Variants in U2SURP observed in about 807,000 individuals in gnomAD.
The protein encoded by U2SURP is U2 snRNP-associated SURP motif-containing protein.
In U2SURP, 9 loss-of-function variants were observed where a neutral mutation model predicts 144.9. The ratio of observed to expected loss-of-function variants is 0.06; its 90% CI spans 0.04 to 0.11. The LOEUF (loss-of-function observed/expected upper bound fraction) is 0.11. U2SURP is among the 10% of genes least tolerant of loss of function. U2SURP has a pLI of 1.00. For synonymous variants in U2SURP, 408 were observed against 396.8 expected (o/e 1.03, Z -0.33); for missense variants, 724 against 1,226.7 (o/e 0.59, Z 6.12).
At chr3:143,017,651 C>G (rs986322925) in intron 6 of U2SURP, among the ~76,000 whole-genome samples, 2 of 151,384 alleles carry the variant, frequency 1.3e-5, no homozygotes, top group African/African-American at 4.9e-5. Context: ...TTGAGACAGT[C>G]TCTCTGTCAC....
intron 23 of U2SURP, 45 bp from the exon 24 acceptor site, chr3:143,043,072 T>A (rs947928601): frequency 1.3e-6 from 2 of 1,523,146 alleles, no homozygotes; most frequent in African/African-American, 2.8e-5. Flanking sequence ...AATATGGTAC[T>A]CTCTTGCTGC....
chr3:143,011,891 T>A (rs1276834748), intron 2 of U2SURP: 1 of 462,556 alleles, frequency 2.2e-6, no homozygotes, highest in Non-Finnish European at 4.2e-6. Flanking sequence ...ACACCAGTTT[T>A]ACTTGGGAGT....
At chr3:143,010,706 G>C (rs961102139) in intron 1 of U2SURP, 109 bp from the exon 2 acceptor site, 2 of 664,660 alleles carry the variant, frequency 3.0e-6, no homozygotes, top group Admixed American at 3.4e-5. Flanking sequence ...TATTAGCTGA[G>C]GAGAAATTGC....
At chr3:143,007,824 T>C (rs1390779907) in intron 1 of U2SURP, among the ~76,000 whole-genome samples, 1 of 152,212 alleles carries the variant, frequency 6.6e-6, no homozygotes, top group Non-Finnish European at 1.5e-5. Flanking sequence ...AAGAATACAG[T>C]TCAGTTCCAG....
intron 26 of U2SURP, 91 bp from the exon 27 acceptor site, chr3:143,054,852 C>G (rs766332962): frequency 1.3e-5 from 17 of 1,292,094 alleles, no homozygotes; most frequent in Non-Finnish European, 1.8e-5. Context: ...AAAGAGTAAG[C>G]TGGTAGCAAT....
intron 6 of U2SURP, among the ~76,000 whole-genome samples, chr3:143,019,206 T>G (rs775481799): frequency 6.6e-6 from 1 of 152,218 alleles, no homozygotes; most frequent in Non-Finnish European, 1.5e-5. Context: ...GCTATATGAT[T>G]TGGAAATGTT....
chr3:143,053,378 G>T (rs889284059), intron 25 of U2SURP, among the ~76,000 whole-genome samples: 1 of 152,086 alleles, frequency 6.6e-6, no homozygotes, highest in Non-Finnish European at 1.5e-5. Context: ...AATTTTCTTA[G>T]GGATGCTTTA....
rs777445272 is a variant in U2SURP at position 143,021,489 on chromosome 3, A to T, written c.786A>T (p.Ala262=). The change falls in exon 10 of 28, where the codon GCA becomes GCT. Residue 262 remains alanine (A), a synonymous_variant. Coordinates refer to ENST00000473835, the MANE Select transcript of U2SURP (RefSeq NM_001080415.2). ...CTGCCCTAGTTCTTGATGATTACGC[A>T]CCTGGCTCACATGATGTAGGAGATC... The part of the protein sequence containing the change: ...NRSSGVLDDY[A]PGSHDVGDPS... 2.5e-6 allele frequency: 4 copies of T among 1,613,712 alleles called. No individual in the cohort carries two copies. The highest frequency in any genetic ancestry group is 3.4e-6 in the Non-Finnish European group (4 of 1,179,872).
intron 16 of U2SURP, among the ~76,000 whole-genome samples, chr3:143,031,752 A>G (rs1226866764): frequency 1.3e-5 from 2 of 152,230 alleles, no homozygotes; most frequent in Admixed American, 1.3e-4. Context: ...TCTCTTTGAG[A>G]TATGCCTGTA....
chr3:143,042,599 C>G (rs932816359), intron 23 of U2SURP, among the ~76,000 whole-genome samples: 10 of 152,040 alleles, frequency 6.6e-5, no homozygotes, highest in African/African-American at 4.8e-5. Context: ...TCCCTCACCC[C>G]CCTCCCATCC....
At chr3:143,027,426 T>C (rs1444040321) in intron 14 of U2SURP, among the ~76,000 whole-genome samples, 173 bp downstream of exon 14, 3 of 152,194 alleles carry the variant, frequency 2.0e-5, no homozygotes, top group Non-Finnish European at 4.4e-5. Flanking sequence ...TTTACCTGTG[T>C]AGCAGTAACT....
rs1446439618 is a variant in U2SURP at position 143,055,108 on chromosome 3, A to G, written c.2940A>G (p.Lys980=). 1.3e-6 allele frequency: 2 copies of G among 1,592,658 alleles called. No individual in the cohort carries two copies. Among genetic ancestry groups the G allele is most frequent in the South Asian group, 2.3e-5 (2 of 85,830 alleles). Residue 980 remains lysine, a synonymous_variant, in exon 27 of 28, where the codon AAA becomes AAG. Coordinates refer to ENST00000473835, the MANE Select transcript of U2SURP (RefSeq NM_001080415.2). ...SHKDSPRDVS[K]KAKRSPSGSR... is the part of the protein sequence containing the mutation. Reference sequence around the variant, plus strand: ...AAGATTCTCCTAGAGATGTTAGCAAAAAAGCCAAAAGGTAAATGCAAGTCA... The same window carrying G: ...AAGATTCTCCTAGAGATGTTAGCAAGAAAGCCAAAAGGTAAATGCAAGTCA...
chr3:143,020,071 G>A, intron 7 of U2SURP, 35 bp downstream of exon 7: 1 of 1,339,790 alleles, frequency 7.5e-7, no homozygotes, highest in Non-Finnish European at 1.0e-6. Context: ...ACTATCATAG[G>A]TGTATTGAGC....
intron 6 of U2SURP, among the ~76,000 whole-genome samples, 155 bp from the exon 7 acceptor site, chr3:143,019,814 G>A (rs958849810): frequency 6.6e-6 from 1 of 152,174 alleles, no homozygotes; most frequent in African/African-American, 2.4e-5. Context: ...GGAAGGGGAA[G>A]GGAGGTTCAA....
chr3:143,052,112 C>A (rs979549228), intron 25 of U2SURP, among the ~76,000 whole-genome samples: 21 of 152,234 alleles, frequency 1.4e-4, no homozygotes, highest in Admixed American at 5.9e-4. Context: ...TATGGCTGGG[C>A]GCAGTTGCTC....
intron 9 of U2SURP, 43 bp downstream of exon 9, chr3:143,021,428 CTT>C (rs759370806): frequency 5.0e-6 from 8 of 1,609,430 alleles, no homozygotes; most frequent in Non-Finnish European, 6.8e-6. Flanking sequence ...ATTTTCCAAA[CTT>C]TATGTTTTGC....
Position 143,037,296 on chromosome 3 carries a change from C to T in U2SURP, c.2182C>T (p.Pro728Ser). The T allele has an allele frequency of 1.9e-6, 3 of 1,612,130 alleles. No homozygotes were observed. The highest frequency in any genetic ancestry group is 2.5e-6 in the Non-Finnish European group (3 of 1,179,076). Residue 728 changes from proline (P) to serine (S), a missense_variant, in exon 21 of 28, where the codon CCT (proline) becomes TCT (serine). Transcript: ENST00000473835. ...TCCCATCGATGATCTTGATGGAGTC[C>T]CTATAAAAAGTCTTGATGATGATCT... ...ATPIDDLDGV[P>S]IKSLDDDLDG...
chr3:143,009,554 C>T (rs1026780064), intron 1 of U2SURP, among the ~76,000 whole-genome samples: 2 of 151,378 alleles, frequency 1.3e-5, no homozygotes, highest in Non-Finnish European at 2.9e-5. Context: ...GCCGAGGTCG[C>T]GCCACTGTAC....
At chr3:143,043,025 C>G in intron 23 of U2SURP, 92 bp from the exon 24 acceptor site, 3 of 1,269,662 alleles carry the variant, frequency 2.4e-6, no homozygotes, top group Non-Finnish European at 3.2e-6. Context: ...GTTATTTAAG[C>G]TCTAAGACAA....
Sources: gnomAD v4.1 joint callset for allele counts (sites outside exome capture counted in the v4.1 genomes callset) on GRCh38, gnomAD v4.1.1 for gene constraint, MANE v1.5 for transcripts, NCBI Gene and HGNC (gene_info 2026-07-23, HGNC 2026-07-21) for gene names.